CDK13: variants seen among roughly 807,000 people sequenced by gnomAD.
CDK13 encodes cyclin-dependent kinase 13.
Under a neutral mutation model 137.6 loss-of-function variants are expected in CDK13, and 40 were observed. The observed-to-expected ratio is 0.29, with a 90% CI of 0.23 to 0.38. The LOEUF is 0.38. Among genes scored for constraint, CDK13 ranks in the 10% least tolerant of loss-of-function variants. The probability of loss-of-function intolerance (pLI) is 1.00; values close to 1 mark genes in which losing one functional copy is unlikely to be tolerated. For missense variants in CDK13, 1,704 were observed against 1,951.8 expected (o/e 0.87, Z 2.39); for synonymous variants, 869 against 760.1 (o/e 1.14, Z -2.36).
chr7:40,036,102 G>A (rs1435430297), intron 5 of CDK13, among the ~76,000 whole-genome samples: 1 of 151,494 alleles, frequency 6.6e-6, no homozygotes, highest in Non-Finnish European at 1.5e-5. Flanking sequence ...AGGAAGTGGT[G>A]GCAAGATTGT....
intron 2 of CDK13, among the ~76,000 whole-genome samples, chr7:39,996,118 CGTTTTTATCAGATGGTATTATTAAGTT>C (rs1160736085): frequency 6.6e-6 from 1 of 152,064 alleles, no homozygotes; most frequent in Admixed American, 6.6e-5. Context: ...ATAATTAAGT[CGTTTTTATCAGATGGTATTATTAAGTT>C]GTTTTTATCA....
At chr7:40,090,841 G>A (rs901646904) in intron 12 of CDK13, among the ~76,000 whole-genome samples, 2 of 152,172 alleles carry the variant, frequency 1.3e-5, no homozygotes, top group Admixed American at 1.3e-4. Context: ...CACTGGCACT[G>A]TGGCCTGGAT....
chr7:40,093,161 A>C lies in CDK13; in HGVS notation c.3612A>C (p.Glu1204Asp). 6.2e-7 allele frequency: 1 copy of C among 1,614,220 alleles called. No homozygotes were observed. Among genetic ancestry groups the C allele is most frequent in the Non-Finnish European group, 8.5e-7 (1 of 1,180,048 alleles). The stretch of plus-strand genomic sequence containing the variant: ...CAAAGCAGAAAGATGTGCTACTAGA[A>C]GAGAGGGAAAATGGATCGGGACATG... ...QQSKQKDVLL[E>D]ERENGSGHEA... The change falls in exon 13 of 14, where the codon GAA becomes GAC. Residue 1204 changes from glutamate to aspartate, a missense_variant. By Grantham distance (45) the Glu-to-Asp change is conservative. This residue lies in a region of CDK13 where 475 missense variants were observed against 579.3 expected (regional missense o/e 0.82). Coordinates refer to ENST00000181839, the MANE Select transcript of CDK13 (RefSeq NM_003718.5).
chr7:40,042,042 T>C (rs894314809), intron 5 of CDK13, among the ~76,000 whole-genome samples: 10 of 152,190 alleles, frequency 6.6e-5, no homozygotes, highest in Non-Finnish European at 1.0e-4. Context: ...ACAGTTCATT[T>C]GATTTCTTAT....
At chr7:39,977,693 C>T (rs1423993130) in intron 1 of CDK13, among the ~76,000 whole-genome samples, 2 of 152,084 alleles carry the variant, frequency 1.3e-5, no homozygotes, top group African/African-American at 2.4e-5. Context: ...CAAGCAGGGC[C>T]GAAGGCTTTG....
rs757671907 is a variant in CDK13 at position 39,999,489 on chromosome 7, A to G, written c.2171A>G (p.Asp724Gly). The change falls in exon 4 of 14, where the codon GAT (aspartate) becomes GGT (glycine). Residue 724 changes from aspartate to glycine, a missense_variant. Asp to Gly is a moderately conservative substitution (Grantham distance 94). Around this residue, in one of 5 missense-constraint regions of CDK13, gnomAD observed 130 missense variants for 362.4 expected, o/e 0.36. Transcript: ENST00000181839. ...GTYGQVYKAR[D>G]KDTGEMVALK... The stretch of plus-strand genomic sequence containing the variant: ...TACGGACAAGTTTACAAAGCCAGGG[A>G]TAAAGACACTGGTAAGAATGCCAAG... The G allele has an allele frequency of 1.9e-6, 3 of 1,607,152 alleles. No homozygotes were observed. The highest frequency in any genetic ancestry group is 8.5e-7 in the Non-Finnish European group (1 of 1,176,206).
intron 2 of CDK13, among the ~76,000 whole-genome samples, chr7:39,995,910 T>C (rs1021140365): frequency 1.6e-4 from 24 of 152,282 alleles, no homozygotes; most frequent in Admixed American, 1.3e-3. Flanking sequence ...CTCAGGAGGC[T>C]GAGGCAGGAG....
At position 39,998,003 on chromosome 7, in the gene CDK13, A is replaced by G. The variant is rs17537845; in HGVS notation, c.2042+339A>G. ...AAGTCAGCATTTAGTGAGACCAAAT[A>G]AAATTAGTAATGGGCAAGCTGCTGT... On this transcript the variant is annotated intron_variant, in intron 3 of 13. Coordinates refer to ENST00000181839, the MANE Select transcript of CDK13 (RefSeq NM_003718.5). 3.7e-3 allele frequency: 675 copies of G among 182,000 alleles called. 5 individuals carry two copies. Among genetic ancestry groups the G allele is most frequent in the African/African-American group, 0.015 (635 of 42,000 alleles). The allele number at this position is 182,000 out of a possible 1,614,324, so 11.3% of individuals were successfully genotyped here.
At chr7:39,974,558 T>C (rs1435454329) in intron 1 of CDK13, among the ~76,000 whole-genome samples, 8 of 98 alleles carry the variant, frequency 0.082, no homozygotes, top group South Asian at 0.33. Flanking sequence ...CTTTTTTTCT[T>C]TTTTTTTTTT....
intron 9 of CDK13, among the ~76,000 whole-genome samples, chr7:40,064,910 G>C (rs923236979): frequency 1.5e-4 from 21 of 144,746 alleles, no homozygotes; most frequent in Admixed American, 6.4e-4. Flanking sequence ...TCCTGCCTCA[G>C]CCTTCCAAGT....
intron 9 of CDK13, chr7:40,069,399 C>G (rs1037074427): frequency 2.3e-6 from 1 of 437,046 alleles, no homozygotes; most frequent in Non-Finnish European, 4.6e-6. Context: ...TAGAATCTTA[C>G]AGGGTTGGGT....
intron 1 of CDK13, chr7:39,984,958 C>A (rs1353336032): frequency 2.0e-5 from 3 of 151,432 alleles, no homozygotes; most frequent in Non-Finnish European, 4.4e-5. Flanking sequence ...CGAGATTGCA[C>A]CACTGCACTC....
At chr7:40,061,613 A>G (rs1336249072) in intron 7 of CDK13, 1 of 152,222 alleles carries the variant, frequency 6.6e-6, no homozygotes, top group Non-Finnish European at 1.5e-5. Context: ...GGAATTTGCT[A>G]TGGCTTTTGA....
In CDK13 at chr7:40,043,755, G is replaced by T. The variant is rs375631658; in HGVS notation, c.2354-2081G>T. ...GAGGTAGGAAGATCACTTGAGCTCA[G>T]AGGTCAGGGATATAGTGAGTTGTGA... On this transcript the variant is annotated intron_variant, in intron 5 of 13. Coordinates refer to ENST00000181839, the MANE Select transcript of CDK13 (RefSeq NM_003718.5). 3.8e-4 allele frequency among the ~76,000 whole-genome samples: 58 copies of T among 152,002 alleles called. 1 individual carries two copies. In the South Asian group the frequency reaches 0.012, roughly 31 times the overall value.
chr7:40,095,045 C>T lies in CDK13; in HGVS notation c.*65C>T, dbSNP rs114437677. ...AGACTTTTCTAGCTGCAATTTAAGG[C>T]AGCAATCCAAGAGACTTGAATAATA... On this transcript the variant is annotated 3_prime_UTR_variant, in exon 14 of 14. Coordinates refer to ENST00000181839, the MANE Select transcript of CDK13 (RefSeq NM_003718.5). 20 of 1,294,932 alleles carry T rather than the reference C, an allele frequency of 1.5e-5. No homozygotes were observed. The African/African-American group carries it at 2.9e-4, about 19-fold the overall frequency. The allele number at this position is 1,294,932 out of a possible 1,614,324, so 80.2% of individuals were successfully genotyped here.
At chr7:40,050,396 G>A (rs926055111) in intron 7 of CDK13, among the ~76,000 whole-genome samples, 2 of 151,192 alleles carry the variant, frequency 1.3e-5, no homozygotes, top group Non-Finnish European at 3.0e-5. Context: ...AGAAGCATAT[G>A]TATTTTATTT....
At chr7:40,062,632 T>C in intron 7 of CDK13, 194 bp from the exon 8 acceptor site, 1 of 562,536 alleles carries the variant, frequency 1.8e-6, no homozygotes, top group South Asian at 2.3e-5. Context: ...GAATTTTTAG[T>C]TAAACAGGTT....
intron 1 of CDK13, among the ~76,000 whole-genome samples, chr7:39,975,800 G>A (rs1270947890): frequency 6.6e-6 from 1 of 152,140 alleles, no homozygotes; most frequent in East Asian, 1.9e-4. Flanking sequence ...GATGGAAGGC[G>A]GTTTAGGCCT....
chr7:40,084,469 ACT>A (rs1179992235), intron 11 of CDK13, among the ~76,000 whole-genome samples: 1 of 152,106 alleles, frequency 6.6e-6, no homozygotes, highest in East Asian at 1.9e-4. Flanking sequence ...CAAGAGTGAA[ACT>A]CTGTCTCAAA....
Sources: gnomAD v4.1 joint callset for allele counts (sites outside exome capture counted in the v4.1 genomes callset) on GRCh38, gnomAD v4.1.1 for gene constraint, gnomAD v4.1.1 regional missense constraint, MANE v1.5 for transcripts, NCBI Gene and HGNC (gene_info 2026-07-23, HGNC 2026-07-21) for gene names.